DENND2C: variants seen among roughly 807,000 people sequenced by gnomAD.
The protein encoded by DENND2C is DENN domain-containing protein 2C.
A neutral mutation model predicts 112.4 loss-of-function variants in DENND2C; 72 were observed. That is an observed-to-expected ratio of 0.64 (90% CI 0.53 to 0.78). The LOEUF (loss-of-function observed/expected upper bound fraction) is 0.78. Among genes scored for constraint, DENND2C ranks in the 30% least tolerant of loss-of-function variants. The pLI, the probability that DENND2C is intolerant of heterozygous loss-of-function variation, is 0.00. For missense variants in DENND2C, 992 were observed against 1,113.8 expected (o/e 0.89, Z 1.56); for synonymous variants, 329 against 381.6 (o/e 0.86, Z 1.61).
At chr1:114,634,518 C>T (rs1047192255) in intron 3 of DENND2C, among the ~76,000 whole-genome samples, 1 of 151,966 alleles carries the variant, frequency 6.6e-6, no homozygotes, top group Admixed American at 6.6e-5. Flanking sequence ...GTGCATGAAA[C>T]ATTCACCAAT....
At chr1:114,606,596 G>A (rs1380391726) in intron 10 of DENND2C, among the ~76,000 whole-genome samples, 1 of 152,196 alleles carries the variant, frequency 6.6e-6, no homozygotes, top group African/African-American at 2.4e-5. Context: ...ATAGCATAAT[G>A]CAAAATGAAA....
chr1:114,656,381 AAC>A (rs1373389145), intron 1 of DENND2C, among the ~76,000 whole-genome samples: 2 of 148,352 alleles, frequency 1.3e-5, no homozygotes, highest in Admixed American at 1.4e-4. Context: ...GCCTGTTATA[AAC>A]ATTCTTTTTC....
chr1:114,656,913 G>C (rs1223589992), intron 1 of DENND2C, among the ~76,000 whole-genome samples: 1 of 151,842 alleles, frequency 6.6e-6, no homozygotes, highest in Non-Finnish European at 1.5e-5. Flanking sequence ...CACCACACCT[G>C]GCTAACTTTT....
intron 8 of DENND2C, among the ~76,000 whole-genome samples, chr1:114,612,459 C>T (rs1225243010): frequency 1.3e-5 from 2 of 151,570 alleles, no homozygotes; most frequent in Non-Finnish European, 2.9e-5. Flanking sequence ...TCAACTGATC[C>T]CCCCTACCTC....
At chr1:114,609,077 G>C (rs1655740969) in intron 9 of DENND2C, among the ~76,000 whole-genome samples, 1 of 152,144 alleles carries the variant, frequency 6.6e-6, no homozygotes, top group Non-Finnish European at 1.5e-5. Flanking sequence ...AAGTGTGCAG[G>C]GGCCTCACTC....
At chr1:114,588,169 T>G (rs540666974) in intron 18 of DENND2C, among the ~76,000 whole-genome samples, 2 of 152,310 alleles carry the variant, frequency 1.3e-5, no homozygotes, top group Non-Finnish European at 2.9e-5. Flanking sequence ...ACATACTCCT[T>G]CTACATCTTG....
chr1:114,605,755 T>C (rs1655642214), intron 10 of DENND2C, among the ~76,000 whole-genome samples: 1 of 152,192 alleles, frequency 6.6e-6, no homozygotes, highest in Non-Finnish European at 1.5e-5. Context: ...GATTGCGCCT[T>C]GTACTCGAGC....
At chr1:114,589,739 ATTTC>A (rs1485150736) in intron 18 of DENND2C, among the ~76,000 whole-genome samples, 3 of 151,884 alleles carry the variant, frequency 2.0e-5, no homozygotes, top group African/African-American at 4.8e-5. Context: ...TTTTTCTATA[ATTTC>A]TTTATTCTTT....
At chr1:114,639,584 A>G (rs201776949) in intron 3 of DENND2C, among the ~76,000 whole-genome samples, 6 of 34,636 alleles carry the variant, frequency 1.7e-4, no homozygotes, top group African/African-American at 7.2e-4. Context: ...CTCCATCTTG[A>G]AAAAAAAAAA....
At chr1:114,612,647 G>A (rs998498201) in intron 8 of DENND2C, among the ~76,000 whole-genome samples, 1 of 151,804 alleles carries the variant, frequency 6.6e-6, no homozygotes, top group Non-Finnish European at 1.5e-5. Flanking sequence ...AGCCTCCTGA[G>A]TAGCTGGGAT....
chr1:114,650,882 A>G (rs1026463927), intron 2 of DENND2C, among the ~76,000 whole-genome samples: 1 of 152,202 alleles, frequency 6.6e-6, no homozygotes, highest in Non-Finnish European at 1.5e-5. Context: ...AAAGAGCAAC[A>G]AAAGTAAAAC....
At chr1:114,647,460 T>C (rs1570805189) in intron 2 of DENND2C, among the ~76,000 whole-genome samples, 1 of 152,156 alleles carries the variant, frequency 6.6e-6, no homozygotes, top group Non-Finnish European at 1.5e-5. Context: ...AATCCACTAT[T>C]GTACAACCTG....
At chr1:114,646,416 C>A (rs1482619891) in intron 2 of DENND2C, among the ~76,000 whole-genome samples, 1 of 152,114 alleles carries the variant, frequency 6.6e-6, no homozygotes, top group Non-Finnish European at 1.5e-5. Context: ...ATAACGTAAT[C>A]AAAAAACTAG....
chr1:114,623,170 G>A, intron 5 of DENND2C, 71 bp from the exon 6 acceptor site: 2 of 1,398,520 alleles, frequency 1.4e-6, no homozygotes, highest in Admixed American at 4.3e-5. Context: ...GCTGGCAAAA[G>A]AAAGAAAAAG....
At chr1:114,658,747 A>G (rs1258408351) in intron 1 of DENND2C, among the ~76,000 whole-genome samples, 1 of 151,994 alleles carries the variant, frequency 6.6e-6, no homozygotes, top group Admixed American at 6.6e-5. Flanking sequence ...AAGAGGGTCA[A>G]AAGAATGGCA....
intron 17 of DENND2C, 151 bp from the exon 18 acceptor site, chr1:114,594,729 GA>G (rs1424082662): frequency 1.7e-6 from 1 of 594,610 alleles, no homozygotes; most frequent in African/African-American, 1.9e-5. Flanking sequence ...CCTACATGAA[GA>G]ATCTTTCATG....
intron 10 of DENND2C, among the ~76,000 whole-genome samples, chr1:114,606,777 G>T (rs1335685574): frequency 6.6e-6 from 1 of 152,184 alleles, no homozygotes; most frequent in East Asian, 1.9e-4. Context: ...GCTGCAGTCT[G>T]CAATCCGGTA....
intron 8 of DENND2C, among the ~76,000 whole-genome samples, chr1:114,611,898 T>G (rs2101656021): frequency 6.6e-6 from 1 of 151,322 alleles, no homozygotes; most frequent in Admixed American, 6.6e-5. Flanking sequence ...AGGGAAAAAA[T>G]AAGGCCTAGA....
At position 114,621,881 on chromosome 1, in the gene DENND2C, ACTGGAGTCTTTACC is replaced by A; in HGVS notation, c.1227_1227+13del. On this transcript the variant is annotated splice_donor_variant and splice_donor_5th_base_variant and coding_sequence_variant and intron_variant, in exon 7 of 21. Transcript: ENST00000393274. LOFTEE classifies it high-confidence loss of function. ...GAAGTAAGAGTCAAAGAATGAAAGC[ACTGGAGTCTTTACC>A]CTTGGAAGATTTTTCCTTTTCGTGT... The A allele has an allele frequency of 6.4e-7, 1 of 1,550,498 alleles. No homozygotes were observed. Among genetic ancestry groups the A allele is most frequent in the Non-Finnish European group, 8.7e-7 (1 of 1,146,942 alleles).
Sources: allele counts gnomAD v4.1 joint callset (sites outside exome capture counted in the v4.1 genomes callset), GRCh38; gene constraint gnomAD v4.1.1; transcripts MANE v1.5; gene names NCBI Gene and HGNC (gene_info 2026-07-23, HGNC 2026-07-21).